The following HERC3 variants were observed in gnomAD, a reference collection of about 807,000 sequenced individuals.
The protein encoded by HERC3 is HECT and RLD domain containing E3 ubiquitin protein ligase 3.
HERC3 carries 58 observed loss-of-function variants against 129.9 expected under a neutral mutation model. The ratio of observed to expected loss-of-function variants is 0.45; its 90% CI spans 0.36 to 0.56. The LOEUF is 0.56. Among genes scored for constraint, HERC3 ranks in the 20% least tolerant of loss-of-function variants. The pLI is 0.00. For missense variants in HERC3, 835 were observed against 1,244.2 expected (o/e 0.67, Z 4.95); for synonymous variants, 430 against 451.0 (o/e 0.95, Z 0.59).
chr4:88,636,623 A>C (rs1727433102), intron 3 of HERC3, among the ~76,000 whole-genome samples: 1 of 152,226 alleles, frequency 6.6e-6, no homozygotes, highest in African/African-American at 2.4e-5. Context: ...ACTTGAACTG[A>C]GCTCTGGATC....
intron 23 of HERC3, among the ~76,000 whole-genome samples, chr4:88,700,345 T>C (rs1735211314): frequency 6.6e-6 from 1 of 152,132 alleles, no homozygotes; most frequent in East Asian, 1.9e-4. Flanking sequence ...AAATGTACGC[T>C]TAACTTCATA....
At chr4:88,645,552 C>T (rs1352454699) in intron 3 of HERC3, among the ~76,000 whole-genome samples, 1 of 152,090 alleles carries the variant, frequency 6.6e-6, no homozygotes, top group Non-Finnish European at 1.5e-5. Context: ...AAGACCCCCA[C>T]TAGATACCTG....
chr4:88,559,867 T>G, the HERC3 span, among the ~76,000 whole-genome samples: 1 of 152,174 alleles, frequency 6.6e-6, no homozygotes, highest in Admixed American at 6.5e-5. Flanking sequence ...CTCCATGCTG[T>G]TTTCCATAGC....
chr4:88,651,468 A>T (rs1254824787), intron 4 of HERC3, among the ~76,000 whole-genome samples: 1 of 152,182 alleles, frequency 6.6e-6, no homozygotes, highest in Non-Finnish European at 1.5e-5. Context: ...TCTAAGCCTC[A>T]GTTTCCTAAC....
At position 88,596,007 on chromosome 4, in the gene HERC3, G is replaced by A. The variant is rs183625571; in HGVS notation, c.-30+393G>A. ...TGGGACTACAGGTGCCCACCACCTC[G>A]CCCAGCTAATTTTTTGTATTTTTAG... On this transcript the variant is annotated intron_variant, in intron 2 of 25. Coordinates refer to ENST00000402738, the MANE Select transcript of HERC3 (RefSeq NM_014606.3). Among the ~76,000 whole-genome samples the A allele has an allele frequency of 8.9e-3, 1,352 of 151,832 alleles. 18 individuals carry two copies. Among genetic ancestry groups the A allele is most frequent in the African/African-American group, 0.03 (1,262 of 41,398 alleles).
At chr4:88,652,620 T>C (rs938961034) in intron 5 of HERC3, among the ~76,000 whole-genome samples, 3 of 152,218 alleles carry the variant, frequency 2.0e-5, no homozygotes, top group Admixed American at 2.0e-4. Context: ...AATTTACTTA[T>C]ACATTTAATA....
At chr4:88,590,877 CTTTTT>C (rs1721663320), upstream of HERC3, among the ~76,000 whole-genome samples, 3 of 146,548 alleles carry the variant, frequency 2.0e-5, no homozygotes, top group Non-Finnish European at 4.4e-5. Context: ...TTCTTTTTTC[CTTTTT>C]CTTTCTTTTT....
intron 23 of HERC3, among the ~76,000 whole-genome samples, chr4:88,700,556 C>T (rs956398387): frequency 6.6e-6 from 1 of 152,196 alleles, no homozygotes; most frequent in Non-Finnish European, 1.5e-5. Flanking sequence ...CTCCTCAAAA[C>T]TCTTTCAGGC....
intron 3 of HERC3, among the ~76,000 whole-genome samples, chr4:88,644,073 T>C (rs1291248644): frequency 6.6e-6 from 1 of 152,166 alleles, no homozygotes; most frequent in Non-Finnish European, 1.5e-5. Context: ...ATTAAAACCG[T>C]AATGAAATAC....
the HERC3 span, among the ~76,000 whole-genome samples, chr4:88,540,781 A>G: frequency 1.3e-5 from 2 of 152,220 alleles, no homozygotes; most frequent in African/African-American, 4.8e-5. Context: ...AGAGAGTGGG[A>G]GCCAATATTC....
chr4:88,698,509 A>G (rs772350574), intron 23 of HERC3, among the ~76,000 whole-genome samples: 5 of 148,984 alleles, frequency 3.4e-5, no homozygotes, highest in Non-Finnish European at 6.0e-5. Flanking sequence ...TGTGTGTTCT[A>G]GAAGATCCTA....
intron 23 of HERC3, chr4:88,697,166 T>C: frequency 6.8e-7 from 1 of 1,461,108 alleles, no homozygotes. Flanking sequence ...AACCAGGCTT[T>C]TTTCTTCGTG....
At position 88,654,021 on chromosome 4, in the gene HERC3, C is replaced by T. The variant is rs768504489; in HGVS notation, c.686-21C>T. On this transcript the variant is annotated intron_variant, in intron 6 of 25. Transcript: ENST00000402738. Reference sequence around the variant, plus strand: ...CTCAAAGGCAAATGGTAGTGATATTCTGATATTTAATTTATTCTAGATCGA... The same window carrying T: ...CTCAAAGGCAAATGGTAGTGATATTTTGATATTTAATTTATTCTAGATCGA... 5 of 1,548,790 alleles carry T rather than the reference C, an allele frequency of 3.2e-6. No individual in the cohort carries two copies. The South Asian group carries it at 5.6e-5, about 17-fold the overall frequency.
At chr4:88,535,806 A>G in the HERC3 span, among the ~76,000 whole-genome samples, 1 of 152,224 alleles carries the variant, frequency 6.6e-6, no homozygotes, top group East Asian at 1.9e-4. Context: ...TTTGGCACTT[A>G]AGTTTCCAAT....
chr4:88,605,961 T>G lies in HERC3; in HGVS notation c.138T>G (p.Ser46=). ...VKEVACGGNH[S]VFLLEDGEVY... ...AAGTGGCCTGTGGGGGAAACCACTCTGTGTTCCTGCTGGAAGATGGGGAAG... is the reference window on the plus strand; with the variant it reads ...AAGTGGCCTGTGGGGGAAACCACTCGGTGTTCCTGCTGGAAGATGGGGAAG... The change falls in exon 3 of 26, where the codon TCT becomes TCG. Residue 46 remains serine (S), a synonymous_variant. Coordinates refer to ENST00000402738, the MANE Select transcript of HERC3 (RefSeq NM_014606.3). The G allele has an allele frequency of 6.2e-7, 1 of 1,614,118 alleles. No individual in the cohort carries two copies.
At chr4:88,544,108 G>A in the HERC3 span, among the ~76,000 whole-genome samples, 1 of 152,164 alleles carries the variant, frequency 6.6e-6, no homozygotes, top group Non-Finnish European at 1.5e-5. Context: ...CACAGCAAAA[G>A]TAACTCTCAT....
chr4:88,541,304 A>G, the HERC3 span, among the ~76,000 whole-genome samples: 24 of 152,230 alleles, frequency 1.6e-4, no homozygotes, highest in Middle Eastern at 6.3e-3. Context: ...AGTCTCGGAT[A>G]AAAGAGACTT....
the HERC3 span, among the ~76,000 whole-genome samples, chr4:88,569,510 A>G: frequency 1.3e-5 from 2 of 152,264 alleles, no homozygotes; most frequent in Non-Finnish European, 2.9e-5. Flanking sequence ...CCTGCAGGGA[A>G]GATGATCACT....
At chr4:88,576,924 G>A in the HERC3 span, among the ~76,000 whole-genome samples, 8 of 151,736 alleles carry the variant, frequency 5.3e-5, no homozygotes, top group Non-Finnish European at 8.8e-5. Flanking sequence ...AACTTTTGTC[G>A]TTATTTCTCA....
Sources: allele counts gnomAD v4.1 joint callset (sites outside exome capture counted in the v4.1 genomes callset), GRCh38; gene constraint gnomAD v4.1.1; transcripts MANE v1.5; gene names NCBI Gene and HGNC (gene_info 2026-07-23, HGNC 2026-07-21).